CENPP: variants seen among roughly 807,000 people sequenced by gnomAD.
CENPP encodes centromere protein P.
CENPP carries 24 observed loss-of-function variants against 35.6 expected under a neutral mutation model. The ratio of observed to expected loss-of-function variants is 0.67; its 90% CI spans 0.49 to 0.95. The LOEUF is 0.95. Among genes scored for constraint, CENPP ranks in the 40% least tolerant of loss-of-function variants. CENPP has a pLI of 0.00. For synonymous variants in CENPP, 120 were observed against 125.5 expected, an observed-to-expected ratio of 0.96 and a Z score of 0.29; for missense variants, 332 against 345.3, an observed-to-expected ratio of 0.96 and a Z score of 0.31.
intron 4 of CENPP, among the ~76,000 whole-genome samples, chr9:92,368,404 GC>G (rs779669933): frequency 6.6e-6 from 1 of 152,272 alleles, no homozygotes; most frequent in South Asian, 2.1e-4. Context: ...GGGATACTCA[GC>G]CTGTATTCTA....
At chr9:92,465,098 G>C in intron 5 of CENPP, 1 of 1,037,922 alleles carries the variant, frequency 9.6e-7, no homozygotes, top group Non-Finnish European at 1.5e-6. Context: ...AGTGCAGAGA[G>C]ACACATCCCA....
intron 5 of CENPP, among the ~76,000 whole-genome samples, chr9:92,551,526 G>A (rs1849586794): frequency 6.6e-6 from 1 of 151,796 alleles, no homozygotes; most frequent in South Asian, 2.1e-4. Context: ...TTATTTTATT[G>A]TTTTATTTTT....
chr9:92,544,216 C>G (rs953991122), intron 5 of CENPP, among the ~76,000 whole-genome samples: 1 of 152,212 alleles, frequency 6.6e-6, no homozygotes, highest in South Asian at 2.1e-4. Flanking sequence ...TGGCTCACGC[C>G]TATAATCCCA....
intron 5 of CENPP, among the ~76,000 whole-genome samples, chr9:92,442,673 C>T (rs535356995): frequency 1.3e-4 from 20 of 151,782 alleles, no homozygotes; most frequent in African/African-American, 4.3e-4. Context: ...AATGAAACCC[C>T]GTCTCTACTA....
intron 5 of CENPP, among the ~76,000 whole-genome samples, chr9:92,526,568 A>C (rs1001559677): frequency 5.9e-5 from 9 of 151,996 alleles, no homozygotes; most frequent in African/African-American, 2.2e-4. Context: ...GGAAAAAAAG[A>C]AATAATAAAG....
At chr9:92,512,631 G>C (rs1193403157) in intron 5 of CENPP, among the ~76,000 whole-genome samples, 1 of 152,198 alleles carries the variant, frequency 6.6e-6, no homozygotes, top group Non-Finnish European at 1.5e-5. Context: ...GACTCTCTCA[G>C]ATCTAATGTT....
At position 92,615,931 on chromosome 9, in the gene CENPP, G is replaced by A. The variant is rs760825569; in HGVS notation, c.*2782G>A. On this transcript the variant is annotated 3_prime_UTR_variant, in exon 8 of 8. Transcript: ENST00000375587. The stretch of plus-strand genomic sequence containing the variant: ...CACGTACAGTCTTTGAATAATAGTT[G>A]ACGATCTTGCCGTCCAGTTTATACT... The A allele has an allele frequency of 1.2e-6, 2 of 1,614,120 alleles. No individual in the cohort carries two copies. Among genetic ancestry groups the A allele is most frequent in the South Asian group, 1.1e-5 (1 of 91,066 alleles).
chr9:92,517,827 GC>G (rs1204648998), intron 5 of CENPP: 1 of 1,614,030 alleles, frequency 6.2e-7, no homozygotes, highest in Non-Finnish European at 8.5e-7. Flanking sequence ...CGACCACACA[GC>G]TTTGTTGTAC....
intron 5 of CENPP, chr9:92,505,721 G>A (rs1588195977): frequency 6.7e-7 from 1 of 1,503,624 alleles, no homozygotes; most frequent in Non-Finnish European, 8.9e-7. Context: ...AGAATATTAG[G>A]ATAATTGAAA....
chr9:92,457,258 T>C (rs1279119565), intron 5 of CENPP: 1 of 1,605,332 alleles, frequency 6.2e-7, no homozygotes, highest in Non-Finnish European at 8.5e-7. Flanking sequence ...TTGAATCTTA[T>C]ATTAAATGGA....
rs1851447357 is a variant in CENPP at position 92,616,677 on chromosome 9, G to A, written c.*3528G>A. On this transcript the variant is annotated 3_prime_UTR_variant, in exon 8 of 8. Transcript: ENST00000375587. ...TTGCTTCTCAGGGCTTAGTTTTGTG[G>A]TTTTAACCTCAGAAGTCGTGTGCTT... is the stretch of plus-strand genomic sequence containing the variant. 2 of 152,552 alleles carry A rather than the reference G, an allele frequency of 1.3e-5. No homozygotes were observed. Among genetic ancestry groups the A allele is most frequent in the Non-Finnish European group, 2.9e-5 (2 of 68,412 alleles). 9.4% of individuals were successfully genotyped at this position (152,552 alleles called of 1,614,324 possible). A position where few individuals can be genotyped will look rare whatever the true frequency, so the allele number is the denominator to read the frequency against.
Position 92,615,565 on chromosome 9 carries a change from C to A in CENPP, c.*2416C>A. On this transcript the variant is annotated 3_prime_UTR_variant, in exon 8 of 8. Transcript: ENST00000375587. Reference sequence around the variant, plus strand: ...GCCCTGGTTGGGAAAGAAGAACTATCCAGAACGTCTTCCCAGGGCTTAACG... The same window carrying A: ...GCCCTGGTTGGGAAAGAAGAACTATACAGAACGTCTTCCCAGGGCTTAACG... 2.3e-6 allele frequency: 1 copy of A among 432,822 alleles called. No individual in the cohort carries two copies. The highest frequency in any genetic ancestry group is 2.4e-5 in the South Asian group (1 of 40,900). The allele number at this position is 432,822 out of a possible 1,614,324, so 26.8% of individuals were successfully genotyped here.
chr9:92,333,453 G>A (rs915997571), intron 2 of CENPP, among the ~76,000 whole-genome samples: 5 of 152,220 alleles, frequency 3.3e-5, no homozygotes, highest in Admixed American at 6.5e-5. Flanking sequence ...AAGATTAGGC[G>A]TAGAGTCTTG....
At position 92,613,651 on chromosome 9, in the gene CENPP, G is replaced by A. The variant is rs1264946150; in HGVS notation, c.*502G>A. On this transcript the variant is annotated 3_prime_UTR_variant, in exon 8 of 8. Transcript: ENST00000375587. ...CCCCCGGTCCGCATGGTGGCACCGT[G>A]AGGCAGTCTCAGCAAGTCCTCATGC... 1 of 160,106 alleles carries A rather than the reference G, an allele frequency of 6.2e-6. No individual in the cohort carries two copies. The highest frequency in any genetic ancestry group is 1.4e-5 in the Non-Finnish European group (1 of 72,298). 9.9% of individuals were successfully genotyped at this position (160,106 alleles called of 1,614,324 possible). A position where few individuals can be genotyped will look rare whatever the true frequency, so the allele number is the denominator to read the frequency against.
chr9:92,597,114 G>A (rs1375144458), intron 5 of CENPP, among the ~76,000 whole-genome samples: 1 of 152,106 alleles, frequency 6.6e-6, no homozygotes, highest in Non-Finnish European at 1.5e-5. Flanking sequence ...ATAAGCTTAG[G>A]TTTTGGAATC....
chr9:92,380,563 T>C (rs1251911239), intron 5 of CENPP, among the ~76,000 whole-genome samples: 1 of 149,386 alleles, frequency 6.7e-6, no homozygotes, highest in East Asian at 1.9e-4. Flanking sequence ...TATTTGGGGT[T>C]CTATTGTTTC....
chr9:92,375,654 T>C (rs1842109047), intron 4 of CENPP, among the ~76,000 whole-genome samples: 2 of 152,202 alleles, frequency 1.3e-5, no homozygotes, highest in Non-Finnish European at 2.9e-5. Flanking sequence ...AGTGAATTTT[T>C]AATTTCATTT....
chr9:92,502,496 T>C (rs745935577), intron 5 of CENPP: 1 of 1,609,880 alleles, frequency 6.2e-7, no homozygotes, highest in Admixed American at 1.7e-5. Flanking sequence ...AAAATTTAAA[T>C]TGTAGCATGT....
In CENPP at chr9:92,615,972, C is replaced by T. The variant is rs146410819; in HGVS notation, c.*2823C>T. On this transcript the variant is annotated 3_prime_UTR_variant, in exon 8 of 8. Transcript: ENST00000375587. Reference sequence around the variant, plus strand: ...AGTTTATACTGATGGGGAATGCTCTCGTAGGGCTTGAGGTCAAGGTCCAGC... The same window carrying T: ...AGTTTATACTGATGGGGAATGCTCTTGTAGGGCTTGAGGTCAAGGTCCAGC... 3.2e-5 allele frequency: 52 copies of T among 1,614,102 alleles called. No homozygotes were observed. The African/African-American group carries it at 3.3e-4, about 10-fold the overall frequency.
Sources: gnomAD v4.1 joint callset for allele counts (sites outside exome capture counted in the v4.1 genomes callset) on GRCh38, gnomAD v4.1.1 for gene constraint, MANE v1.5 for transcripts, NCBI Gene and HGNC (gene_info 2026-07-23, HGNC 2026-07-21) for gene names.